Variants in CNIH3 observed in about 807,000 individuals in gnomAD.
CNIH3 encodes cornichon family AMPA receptor auxiliary protein 3, also known as protein cornichon homolog 3.
Under a neutral mutation model 24.1 loss-of-function variants are expected in CNIH3, and 14 were observed. The ratio of observed to expected loss-of-function variants is 0.58; its 90% CI spans 0.38 to 0.91. CNIH3 has a LOEUF of 0.91. Ranked by LOEUF, CNIH3 falls within the 40% of genes least tolerant of loss-of-function variation. The probability of loss-of-function intolerance (pLI) is 0.00; values close to 1 mark genes in which losing one functional copy is unlikely to be tolerated. For missense variants in CNIH3, 178 were observed against 196.8 expected (o/e 0.90, Z 0.57); for synonymous variants, 68 against 73.8 (o/e 0.92, Z 0.40).
intron 1 of CNIH3, among the ~76,000 whole-genome samples, chr1:224,628,856 C>T (rs1363490487): frequency 6.6e-6 from 1 of 151,978 alleles, no homozygotes; most frequent in Non-Finnish European, 1.5e-5. Flanking sequence ...GTCTGATAAG[C>T]AATATTTACA....
intron 1 of CNIH3, among the ~76,000 whole-genome samples, chr1:224,630,904 G>T (rs941380565): frequency 6.6e-6 from 1 of 151,978 alleles, no homozygotes; most frequent in Non-Finnish European, 1.5e-5. Context: ...TGTAAAAACC[G>T]AATCCCAGCG....
chr1:224,506,410 C>T (rs1384290914), intron 1 of CNIH3, among the ~76,000 whole-genome samples: 1 of 152,250 alleles, frequency 6.6e-6, no homozygotes, highest in African/African-American at 2.4e-5. Context: ...CTCCTTCAGC[C>T]TTGGCTTCTG....
chr1:224,509,194 A>G (rs1678038318), intron 1 of CNIH3, among the ~76,000 whole-genome samples: 1 of 152,152 alleles, frequency 6.6e-6, no homozygotes, highest in Non-Finnish European at 1.5e-5. Flanking sequence ...GTGGTGGTAC[A>G]CATCTGTAAT....
chr1:224,639,098 G>A lies in CNIH3; in HGVS notation c.81+21843G>A, dbSNP rs1379717616. ...GTCTGCAAATTCTCTTTCCCCAATA[G>A]GAAGGTAAATTCCCAAGTAGCCTTC... On this transcript the variant is annotated intron_variant, in intron 1 of 5. Transcript: ENST00000272133. 2.6e-5 allele frequency among the ~76,000 whole-genome samples: 4 copies of A among 152,342 alleles called. No individual in the cohort carries two copies. In the East Asian group the frequency reaches 7.7e-4, roughly 29 times the overall value.
intron 3 of CNIH3, among the ~76,000 whole-genome samples, chr1:224,685,640 C>T (rs1349778258): frequency 1.3e-5 from 2 of 152,184 alleles, no homozygotes; most frequent in Non-Finnish European, 2.9e-5. Flanking sequence ...TTGAGCCTTA[C>T]ATGAATAGGA....
At chr1:224,497,460 T>C (rs987500175) in intron 1 of CNIH3, among the ~76,000 whole-genome samples, 1 of 152,260 alleles carries the variant, frequency 6.6e-6, no homozygotes, top group African/African-American at 2.4e-5. Context: ...TGTGATGGAA[T>C]ATGATATTTT....
At chr1:224,438,038 G>A (rs893703815) in intron 1 of CNIH3, among the ~76,000 whole-genome samples, 4 of 151,176 alleles carry the variant, frequency 2.6e-5, no homozygotes, top group Non-Finnish European at 5.9e-5. Context: ...TCAGCCTCCC[G>A]AGTAGCTGGG....
chr1:224,514,811 G>A (rs10916628), upstream of CNIH3, among the ~76,000 whole-genome samples: 34,099 of 152,084 alleles, frequency 0.22, 4,133 homozygotes, highest in African/African-American at 0.32. Flanking sequence ...CAGCCTTGGC[G>A]AGAGTGAGAC....
At chr1:224,663,421 A>T (rs887634273) in intron 1 of CNIH3, among the ~76,000 whole-genome samples, 2 of 152,196 alleles carry the variant, frequency 1.3e-5, no homozygotes, top group Non-Finnish European at 2.9e-5. Context: ...ATGCCCCAAG[A>T]GTGTCCAAAC....
intron 1 of CNIH3, among the ~76,000 whole-genome samples, chr1:224,506,269 A>ATG (rs1399990330): frequency 7.6e-5 from 10 of 130,846 alleles, no homozygotes; most frequent in South Asian, 2.4e-4. Context: ...ATGCACGCAC[A>ATG]CGCGCGCGCG....
At chr1:224,434,944 C>T in intron 1 of CNIH3, 1 of 985,560 alleles carries the variant, frequency 1.0e-6, no homozygotes, top group Non-Finnish European at 1.2e-6. Flanking sequence ...GCCAGCGGGC[C>T]GGCGGGGTCC....
chr1:224,445,574 T>TAA (rs369951294), intron 1 of CNIH3, among the ~76,000 whole-genome samples: 16,851 of 90,178 alleles, frequency 0.19, 1,842 homozygotes, highest in Non-Finnish European at 0.22. Flanking sequence ...GGACTCTGCT[T>TAA]AAAAAAAAAA....
intron 1 of CNIH3, among the ~76,000 whole-genome samples, chr1:224,452,577 T>G (rs185386557): frequency 2.7e-5 from 4 of 150,370 alleles, no homozygotes; most frequent in Non-Finnish European, 4.4e-5. Context: ...GTCAGGAGAT[T>G]GAGACCATCC....
chr1:224,574,606 C>T, intron 4 of CNIH3: 2 of 820,788 alleles, frequency 2.4e-6, no homozygotes, highest in South Asian at 1.3e-5. Context: ...GTGGGGGTGG[C>T]CATTCGGGAG....
chr1:224,554,975 T>G (rs1680076387), intron 3 of CNIH3, among the ~76,000 whole-genome samples: 1 of 152,154 alleles, frequency 6.6e-6, no homozygotes, highest in Non-Finnish European at 1.5e-5. Context: ...GTGAATAGGT[T>G]ACATGCAAAT....
At chr1:224,449,805 C>T (rs139840205) in intron 1 of CNIH3, among the ~76,000 whole-genome samples, 2 of 152,204 alleles carry the variant, frequency 1.3e-5, no homozygotes, top group African/African-American at 2.4e-5. Context: ...CTGGCCAATA[C>T]CTGTCTTTGG....
intron 5 of CNIH3, among the ~76,000 whole-genome samples, chr1:224,586,485 A>G (rs1270434819): frequency 6.6e-6 from 1 of 152,190 alleles, no homozygotes; most frequent in Non-Finnish European, 1.5e-5. Context: ...GGTCCCTCCC[A>G]CAACATGTGG....
intron 3 of CNIH3, among the ~76,000 whole-genome samples, chr1:224,711,818 A>G (rs999252858): frequency 3.3e-4 from 48 of 146,814 alleles, no homozygotes; most frequent in African/African-American, 1.2e-3. Flanking sequence ...AAAAAAAAAA[A>G]GAACCAGGAA....
intron 1 of CNIH3, among the ~76,000 whole-genome samples, chr1:224,659,725 A>G (rs1204603144): frequency 2.0e-5 from 3 of 152,366 alleles, no homozygotes; most frequent in East Asian, 1.9e-4. Context: ...GGAAGAAAAC[A>G]TCGCTTTTCT....
Sources: allele counts gnomAD v4.1 joint callset (sites outside exome capture counted in the v4.1 genomes callset), GRCh38; gene constraint gnomAD v4.1.1; transcripts MANE v1.5; gene names NCBI Gene and HGNC (gene_info 2026-07-23, HGNC 2026-07-21).